SLC31A1: variants seen among roughly 807,000 people sequenced by gnomAD.
SLC31A1 encodes solute carrier family 31 member 1.
In SLC31A1, 5 loss-of-function variants were observed where a neutral mutation model predicts 17.2. The ratio of observed to expected loss-of-function variants is 0.29; its 90% CI spans 0.15 to 0.61. SLC31A1 has a LOEUF of 0.61. Among genes scored for constraint, SLC31A1 ranks in the 20% least tolerant of loss-of-function variants. SLC31A1 has a pLI of 0.86. For synonymous variants in SLC31A1, 76 were observed against 78.8 expected (o/e 0.96, Z 0.19); for missense variants, 161 against 241.4 (o/e 0.67, Z 2.21).
chr9:113,239,732 C>T (rs1319501866), intron 1 of SLC31A1, among the ~76,000 whole-genome samples: 6 of 152,192 alleles, frequency 3.9e-5, no homozygotes, highest in African/African-American at 1.2e-4. Context: ...TACAGGCATG[C>T]GCCACCACGC....
intron 1 of SLC31A1, among the ~76,000 whole-genome samples, chr9:113,255,307 A>G (rs946441340): frequency 2.0e-5 from 3 of 152,254 alleles, no homozygotes; most frequent in African/African-American, 7.2e-5. Flanking sequence ...AATTTCATTA[A>G]TGGCATTCAT....
chr9:113,251,332 G>C (rs1241461339), intron 1 of SLC31A1, among the ~76,000 whole-genome samples: 2 of 152,124 alleles, frequency 1.3e-5, no homozygotes, highest in Non-Finnish European at 2.9e-5. Flanking sequence ...TGAGGCTGGA[G>C]AATCGCTTGA....
chr9:113,262,448 G>A lies in SLC31A1; in HGVS notation c.*1975G>A, dbSNP rs1831804173. On this transcript the variant is annotated 3_prime_UTR_variant, in exon 5 of 5. Coordinates refer to ENST00000374212, the MANE Select transcript of SLC31A1 (RefSeq NM_001859.4). ...TGGTGCTAGATCCAGTTGTGCCTCA[G>A]GGCAGAGGAAACAAAACACAGCTAT... is the stretch of plus-strand genomic sequence containing the variant. 6.6e-6 allele frequency: 1 copy of A among 152,540 alleles called. No homozygotes were observed. The highest frequency in any genetic ancestry group is 1.5e-5 in the Non-Finnish European group (1 of 68,042). 9.4% of individuals were successfully genotyped at this position (152,540 alleles called of 1,614,324 possible). A position where few individuals can be genotyped will look rare whatever the true frequency, so the allele number is the denominator to read the frequency against.
chr9:113,257,043 C>G, intron 2 of SLC31A1, 70 bp from the exon 3 acceptor site: 1 of 1,231,544 alleles, frequency 8.1e-7, no homozygotes, highest in African/African-American at 1.5e-5. Context: ...ATGTTCTAAG[C>G]TTCTTTGCCC....
chr9:113,234,059 C>A lies in SLC31A1; in HGVS notation c.-36+12381C>A, dbSNP rs563135489. On this transcript the variant is annotated intron_variant, in intron 1 of 4. Coordinates refer to ENST00000374212, the MANE Select transcript of SLC31A1 (RefSeq NM_001859.4). ...TTCTGTTAACCCATCTGTCTTCAAT[C>A]CCACCCTCACCCCACCTTGAGTACA... Among the ~76,000 whole-genome samples the A allele has an allele frequency of 1.1e-4, 17 of 152,312 alleles. No homozygotes were observed. In the South Asian group the frequency reaches 2.9e-3, roughly 26 times the overall value.
intron 1 of SLC31A1, among the ~76,000 whole-genome samples, chr9:113,222,465 C>A (rs1239774987): frequency 7.2e-5 from 11 of 152,144 alleles, no homozygotes; most frequent in African/African-American, 2.7e-4. Flanking sequence ...ATTCTCGAAA[C>A]AATCCTGGGG....
chr9:113,232,738 G>A (rs577566887), intron 1 of SLC31A1, among the ~76,000 whole-genome samples: 2 of 151,926 alleles, frequency 1.3e-5, no homozygotes, highest in Non-Finnish European at 2.9e-5. Flanking sequence ...CAGCCACTTG[G>A]TAGGCTGAGG....
intron 1 of SLC31A1, among the ~76,000 whole-genome samples, chr9:113,248,629 C>T (rs566095635): frequency 1.4e-4 from 22 of 151,800 alleles, no homozygotes; most frequent in Middle Eastern, 3.4e-3. Flanking sequence ...CCACCACACC[C>T]GGCTAATTTT....
chr9:113,228,018 G>T (rs1394720198), intron 1 of SLC31A1, among the ~76,000 whole-genome samples: 1 of 152,182 alleles, frequency 6.6e-6, no homozygotes. Flanking sequence ...CTTAAAATTG[G>T]AAAGTATTTA....
intron 1 of SLC31A1, among the ~76,000 whole-genome samples, chr9:113,250,421 C>T (rs1344254999): frequency 1.5e-4 from 22 of 149,820 alleles, no homozygotes; most frequent in African/African-American, 3.7e-4. Flanking sequence ...AGTAAACTAT[C>T]GCAAGAACAA....
intron 1 of SLC31A1, chr9:113,227,555 C>T (rs2118982177): frequency 6.6e-6 from 1 of 152,270 alleles, no homozygotes; most frequent in South Asian, 2.1e-4. Context: ...TGTCCAGCCT[C>T]ATTTGCATTC....
At chr9:113,235,390 T>C (rs1292638901) in intron 1 of SLC31A1, among the ~76,000 whole-genome samples, 1 of 152,178 alleles carries the variant, frequency 6.6e-6, no homozygotes, top group Non-Finnish European at 1.5e-5. Context: ...GCAGTGTTAT[T>C]AAAAACCCTG....
intron 1 of SLC31A1, among the ~76,000 whole-genome samples, chr9:113,245,521 C>G (rs546222034): frequency 2.3e-4 from 35 of 152,298 alleles, no homozygotes; most frequent in African/African-American, 8.4e-4. Flanking sequence ...ACATTACAGC[C>G]TTCAAAGGGA....
chr9:113,228,134 G>A (rs1234633010), intron 1 of SLC31A1, among the ~76,000 whole-genome samples: 2 of 152,146 alleles, frequency 1.3e-5, no homozygotes, highest in African/African-American at 4.8e-5. Flanking sequence ...AATGTCACAT[G>A]GCTAGTATAT....
At chr9:113,241,985 C>T (rs774765155) in intron 1 of SLC31A1, among the ~76,000 whole-genome samples, 4 of 152,150 alleles carry the variant, frequency 2.6e-5, no homozygotes, top group East Asian at 1.9e-4. Flanking sequence ...GTCAGGAGAT[C>T]GAGACCATCC....
chr9:113,257,250 G>A (rs1222922157), intron 3 of SLC31A1, 65 bp downstream of exon 3: 18 of 1,353,386 alleles, frequency 1.3e-5, no homozygotes, highest in Middle Eastern at 1.8e-4. Context: ...CAAATAATTT[G>A]GAAGTCCAGC....
rs913403882 is a variant in SLC31A1 at position 113,225,825 on chromosome 9, G to C, written c.-36+4147G>C. ...ACCTTTCCCACCAGAAGTGCTACAA[G>C]AGAGAAAGATGATATAATAATCACT... On this transcript the variant is annotated intron_variant, in intron 1 of 4. Coordinates refer to ENST00000374212, the MANE Select transcript of SLC31A1 (RefSeq NM_001859.4). Among the ~76,000 whole-genome samples, 5 of 152,122 alleles carry C rather than the reference G, an allele frequency of 3.3e-5. No homozygotes were observed. The East Asian group carries it at 7.7e-4, about 23-fold the overall frequency.
At chr9:113,248,348 T>C (rs1831607093) in intron 1 of SLC31A1, among the ~76,000 whole-genome samples, 1 of 150,320 alleles carries the variant, frequency 6.7e-6, no homozygotes, top group Non-Finnish European at 1.5e-5. Context: ...CAAACAAAAA[T>C]CCAAGATTTC....
intron 1 of SLC31A1, among the ~76,000 whole-genome samples, chr9:113,248,041 A>G (rs1831602508): frequency 6.6e-6 from 1 of 152,148 alleles, no homozygotes; most frequent in Non-Finnish European, 1.5e-5. Flanking sequence ...GAAGATGGCC[A>G]GGCATGGTGG....
Sources: allele counts gnomAD v4.1 joint callset (sites outside exome capture counted in the v4.1 genomes callset), GRCh38; gene constraint gnomAD v4.1.1; transcripts MANE v1.5; gene names NCBI Gene and HGNC (gene_info 2026-07-23, HGNC 2026-07-21).